The following DMRTB1 variants were observed in gnomAD, a reference collection of about 807,000 sequenced individuals.
The protein encoded by DMRTB1 is doublesex- and mab-3-related transcription factor B1.
Under a neutral mutation model 25.2 loss-of-function variants are expected in DMRTB1, and 9 were observed. The observed-to-expected ratio is 0.36, with a 90% CI of 0.22 to 0.62. The LOEUF is 0.62. DMRTB1 is among the 20% of genes least tolerant of loss of function. The pLI is 0.71. For synonymous variants in DMRTB1, 269 were observed against 238.1 expected (o/e 1.13, Z -1.20); for missense variants, 551 against 499.3 (o/e 1.10, Z -0.99).
chr1:53,460,250 T>A, intron 1 of DMRTB1: 1 of 605,986 alleles, frequency 1.7e-6, no homozygotes, highest in South Asian at 2.4e-5. Flanking sequence ...CAGAGGGCTT[T>A]TAACATTTAG....
chr1:53,459,833 G>C lies in DMRTB1; in HGVS notation c.380G>C (p.Arg127Pro). 6.8e-7 allele frequency: 1 copy of C among 1,471,484 alleles called. No homozygotes were observed. Among genetic ancestry groups the C allele is most frequent in the Non-Finnish European group, 8.9e-7 (1 of 1,119,886 alleles). 91.2% of individuals were successfully genotyped at this position (1,471,484 alleles called of 1,614,324 possible). A position where few individuals can be genotyped will look rare whatever the true frequency, so the allele number is the denominator to read the frequency against. ...ACFFEQPPRG[R>P]NPGPRALQPV... ...TTCTTCGAGCAGCCCCCGCGGGGCC[G>C]GAACCCCGGCCCGAGAGCCCTCCAG... Residue 127 changes from arginine (R) to proline (P), a missense_variant, in exon 1 of 4, where the codon CGG (arginine) becomes CCG (proline). By Grantham distance (103) the Arg-to-Pro change is moderately radical. Transcript: ENST00000371445.
At chr1:53,460,129 T>G (rs1375356860) in intron 1 of DMRTB1, 99 bp downstream of exon 1, 41 of 1,391,768 alleles carry the variant, frequency 2.9e-5, no homozygotes, top group Non-Finnish European at 2.9e-5. Context: ...GGAGAGAAGT[T>G]TTTCCACGGG....
In DMRTB1 at chr1:53,459,603, G is replaced by A. The variant is rs369311808; in HGVS notation, c.150G>A (p.Met50Ile). The change falls in exon 1 of 4, where the codon ATG becomes ATA. Residue 50 changes from methionine (M) to isoleucine (I), a missense_variant. Physicochemically the swap from Met to Ile is conservative, Grantham distance 10 (BLOSUM62 1). Transcript: ENST00000371445. Reference protein sequence around the residue: ...CYLISERQKIMAAQKVLKTQA... With the variant: ...CYLISERQKIIAAQKVLKTQA... ...TGATCTCCGAGCGCCAGAAGATCATGGCCGCGCAGAAGGTGCTCAAGACGC... is the reference window on the plus strand; with the variant it reads ...TGATCTCCGAGCGCCAGAAGATCATAGCCGCGCAGAAGGTGCTCAAGACGC... The A allele has an allele frequency of 1.7e-5, 27 of 1,590,122 alleles. No homozygotes were observed. Among genetic ancestry groups the A allele is most frequent in the Non-Finnish European group, 2.3e-5 (27 of 1,168,578 alleles).
intron 3 of DMRTB1, among the ~76,000 whole-genome samples, chr1:53,465,232 C>T (rs1288635): frequency 0.09 from 13,765 of 152,202 alleles, 1,209 homozygotes; most frequent in African/African-American, 0.23. Flanking sequence ...TGCCAGGCCT[C>T]TCTAGCTGGG....
At chr1:53,462,756 T>C (rs1371612343) in intron 2 of DMRTB1, among the ~76,000 whole-genome samples, 1 of 152,238 alleles carries the variant, frequency 6.6e-6, no homozygotes, top group African/African-American at 2.4e-5. Context: ...TCAGTCGCCC[T>C]GACTCTGGAG....
Position 53,459,491 on chromosome 1 carries a change from G to A in DMRTB1, c.38G>A (p.Arg13Lys). ...DKMVRTPKCS[R>K]CRNHGFLVPV... ...ATGGTGCGCACCCCCAAGTGCTCGA[G>A]ATGCAGGAACCATGGCTTCCTGGTG... is the stretch of plus-strand genomic sequence containing the variant. Residue 13 changes from arginine (R) to lysine (K), a missense_variant, in exon 1 of 4, where the codon AGA (arginine) becomes AAA (lysine). Transcript: ENST00000371445. 1 of 1,613,254 alleles carries A rather than the reference G, an allele frequency of 6.2e-7. No individual in the cohort carries two copies. Among genetic ancestry groups the A allele is most frequent in the Admixed American group, 1.7e-5 (1 of 60,032 alleles).
intron 1 of DMRTB1, 28 bp from the exon 2 acceptor site, chr1:53,461,445 C>A: frequency 6.5e-7 from 1 of 1,545,824 alleles, no homozygotes; most frequent in Non-Finnish European, 8.8e-7. Context: ...CGGTGTCTAA[C>A]ACTTCCCTCC....
Position 53,466,580 on chromosome 1 carries a change from C to A in DMRTB1, c.962-15C>A, listed in dbSNP as rs934181208. On this transcript the variant is annotated splice_polypyrimidine_tract_variant and intron_variant, in intron 3 of 3. Coordinates refer to ENST00000371445, the MANE Select transcript of DMRTB1 (RefSeq NM_033067.3). The stretch of plus-strand genomic sequence containing the variant: ...CGCTCTTTCTAAATCCAGCTACCTT[C>A]TTTGTCCTTCACAGATGACCAGGAT... 12 of 1,613,442 alleles carry A rather than the reference C, an allele frequency of 7.4e-6. No homozygotes were observed. In the East Asian group the frequency reaches 2.2e-4, roughly 30 times the overall value.
At chr1:53,463,473 G>A (rs1210737036) in intron 2 of DMRTB1, among the ~76,000 whole-genome samples, 1 of 152,224 alleles carries the variant, frequency 6.6e-6, no homozygotes, top group Non-Finnish European at 1.5e-5. Context: ...AAATGGGAGT[G>A]AGAGGACCTA....
In DMRTB1 at chr1:53,466,640, C is replaced by T. The variant is rs748303555; in HGVS notation, c.1007C>T (p.Ser336Leu). 27 of 1,614,108 alleles carry T rather than the reference C, an allele frequency of 1.7e-5. No individual in the cohort carries two copies. The highest frequency in any genetic ancestry group is 2.2e-5 in the South Asian group (2 of 91,092). Reference sequence around the variant, plus strand: ...CTGTCGGGTGAGCCCAGCCAGCCATCGTCTCAGGAGCAGTCCGACTAGGCC... The same window carrying T: ...CTGTCGGGTGAGCCCAGCCAGCCATTGTCTCAGGAGCAGTCCGACTAGGCC... ...EVLSGEPSQP[S>L]SQEQSD The change falls in exon 4 of 4, where the codon TCG becomes TTG. Residue 336 changes from serine to leucine, a missense_variant. Ser to Leu is a moderately radical substitution (Grantham distance 145). Coordinates refer to ENST00000371445, the MANE Select transcript of DMRTB1 (RefSeq NM_033067.3).
chr1:53,462,936 T>C (rs751221168), intron 2 of DMRTB1, among the ~76,000 whole-genome samples: 2 of 152,244 alleles, frequency 1.3e-5, no homozygotes, highest in Non-Finnish European at 2.9e-5. Context: ...GTAAAGCACG[T>C]TCCGTCTGCT....
rs1475005660 is a variant in DMRTB1, at chr1:53,461,537, G to A, written c.642G>A (p.Met214Ile). The A allele has an allele frequency of 6.2e-7, 1 of 1,612,148 alleles. No individual in the cohort carries two copies. Among genetic ancestry groups the A allele is most frequent in the African/African-American group, 1.3e-5 (1 of 74,870 alleles). The change falls in exon 2 of 4, where the codon ATG becomes ATA. Residue 214 changes from methionine to isoleucine, a missense_variant. Coordinates refer to ENST00000371445, the MANE Select transcript of DMRTB1 (RefSeq NM_033067.3). Reference sequence around the variant, plus strand: ...CTGAGTACCCTGGTGGCTCCAGCATGCACCCCTACTGCCCGTTCCCGCTGG... The same window carrying A: ...CTGAGTACCCTGGTGGCTCCAGCATACACCCCTACTGCCCGTTCCCGCTGG... ...LGPEYPGGSS[M>I]HPYCPFPLGY...
chr1:53,461,442 T>C, intron 1 of DMRTB1, 31 bp from the exon 2 acceptor site: 2 of 1,544,344 alleles, frequency 1.3e-6, no homozygotes, highest in Non-Finnish European at 8.8e-7. Context: ...CAGCGGTGTC[T>C]AACACTTCCC....
At chr1:53,460,248 T>C (rs1440039919) in intron 1 of DMRTB1, 2 of 607,618 alleles carry the variant, frequency 3.3e-6, no homozygotes, top group Non-Finnish European at 5.3e-6. Context: ...TTCAGAGGGC[T>C]TTTAACATTT....
rs557104565 is a variant in DMRTB1 at position 53,466,711 on chromosome 1, C to G, written c.*49C>G. ...AGCAGAGTGGGGCACTGGGGGGCAACAGCAACAGTTTTCTTGTCTTCATTC... is the reference window on the plus strand; with the variant it reads ...AGCAGAGTGGGGCACTGGGGGGCAAGAGCAACAGTTTTCTTGTCTTCATTC... On this transcript the variant is annotated 3_prime_UTR_variant, in exon 4 of 4. Transcript: ENST00000371445. 9.5e-6 allele frequency: 15 copies of G among 1,574,992 alleles called. No homozygotes were observed. In the East Asian group the frequency reaches 3.4e-4, roughly 35 times the overall value.
At chr1:53,460,313 T>G (rs1322772446) in intron 1 of DMRTB1, 12 of 330,986 alleles carry the variant, frequency 3.6e-5, no homozygotes, top group East Asian at 6.6e-5. Context: ...CCAGTCGACT[T>G]AGCAGTGCTT....
chr1:53,461,202 G>A (rs998648782), intron 1 of DMRTB1, among the ~76,000 whole-genome samples: 2 of 152,228 alleles, frequency 1.3e-5, no homozygotes, highest in Non-Finnish European at 2.9e-5. Context: ...AGGCCTCAGA[G>A]AGGCAGAGTG....
chr1:53,459,787 G>A lies in DMRTB1; in HGVS notation c.334G>A (p.Glu112Lys), dbSNP rs1372527767. The stretch of plus-strand genomic sequence containing the variant: ...CTCCGGAGACGCCGACCCGGGACCC[G>A]AGGGCCGCGCGGCCGCTTGCTTCTT... Reference protein sequence around the residue: ...TPSGDADPGPEGRAAACFFEQ... With the variant: ...TPSGDADPGPKGRAAACFFEQ... The change falls in exon 1 of 4, where the codon GAG becomes AAG. Residue 112 changes from glutamate to lysine, a missense_variant. Transcript: ENST00000371445. The A allele has an allele frequency of 2.1e-6, 3 of 1,398,664 alleles. No individual in the cohort carries two copies. The highest frequency in any genetic ancestry group is 3.2e-5 in the Admixed American group (1 of 31,470). 86.6% of individuals were successfully genotyped at this position (1,398,664 alleles called of 1,614,324 possible). A position where few individuals can be genotyped will look rare whatever the true frequency, so the allele number is the denominator to read the frequency against.
chr1:53,461,067 C>T lies in DMRTB1; in HGVS notation c.578-406C>T, dbSNP rs530398384. 7.9e-4 allele frequency among the ~76,000 whole-genome samples: 120 copies of T among 152,296 alleles called. 1 individual carries two copies. The highest frequency in any genetic ancestry group is 2.8e-3 in the African/African-American group (115 of 41,546). Reference sequence around the variant, plus strand: ...TGGAGGACGCGGGTCACATTTCTTGCCCTCAAGGACCTTGTCCTTGTGGGA... The same window carrying T: ...TGGAGGACGCGGGTCACATTTCTTGTCCTCAAGGACCTTGTCCTTGTGGGA... On this transcript the variant is annotated intron_variant, in intron 1 of 3. Transcript: ENST00000371445.
Sources: allele counts gnomAD v4.1 joint callset (sites outside exome capture counted in the v4.1 genomes callset), GRCh38; gene constraint gnomAD v4.1.1; transcripts MANE v1.5; gene names NCBI Gene and HGNC (gene_info 2026-07-23, HGNC 2026-07-21).